ADNP: variants seen among roughly 807,000 people sequenced by gnomAD.
The protein encoded by ADNP is activity-dependent neuroprotector homeobox protein.
A neutral mutation model predicts 84.9 loss-of-function variants in ADNP; 4 were observed. That is an observed-to-expected ratio of 0.05 (90% confidence interval 0.02 to 0.11). The LOEUF is 0.11. ADNP is among the 10% of genes least tolerant of loss of function. The probability of loss-of-function intolerance (pLI) is 1.00; values close to 1 mark genes in which losing one functional copy is unlikely to be tolerated. For synonymous variants in ADNP, 554 were observed against 468.1 expected (o/e 1.18, Z -2.37); for missense variants, 1,132 against 1,326.0 (o/e 0.85, Z 2.27).
chr20:50,925,975 C>T (rs1291554474), intron 2 of ADNP, among the ~76,000 whole-genome samples: 2 of 152,200 alleles, frequency 1.3e-5, no homozygotes, highest in Non-Finnish European at 2.9e-5. Context: ...GTGGCAGGCA[C>T]CTGTAATCCC....
rs773036586 is a variant in ADNP, at chr20:50,893,896, G to A, written c.818C>T (p.Pro273Leu). 1.9e-6 allele frequency: 3 copies of A among 1,614,160 alleles called. No homozygotes were observed. The highest frequency in any genetic ancestry group is 2.5e-6 in the Non-Finnish European group (3 of 1,180,008). Residue 273 changes from proline to leucine, a missense_variant, in exon 6 of 6, where the codon CCC (proline) becomes CTC (leucine). Physicochemically the swap from Pro to Leu is moderately conservative, Grantham distance 98. Coordinates refer to ENST00000621696, the MANE Select transcript of ADNP (RefSeq NM_001282531.3). This position sits in a 1 kb window ranked among gnomAD's most constrained non-coding sequence, Gnocchi z 4.4. ...CATGCTCTTCTTGTCTTGAGGTTTG[G>A]GAGCAATTAGCATCAAGGGTTTGGA... The part of the protein sequence containing the change: ...PRSKPLMLIA[P>L]KPQDKKSMGL...
intron 2 of ADNP, among the ~76,000 whole-genome samples, chr20:50,912,442 G>A (rs1180770070): frequency 6.6e-6 from 1 of 152,118 alleles, no homozygotes; most frequent in African/African-American, 2.4e-5. Context: ...GAGCCACTGC[G>A]CCTAGCTTCA....
At position 50,891,611 on chromosome 20, in the gene ADNP, T is replaced by C. The variant is rs1042876474; in HGVS notation, c.3103A>G (p.Lys1035Glu). ...TCCTTAGACCAAAACCCTTCAACTT[T>C]TCCATAGGAACTATTCTTCCATTTC... ...QLKWKNSSYG[K>E]VEGFWSKDQS... is the part of the protein sequence containing the mutation. Residue 1035 changes from lysine (K) to glutamate (E), a missense_variant, in exon 6 of 6, where the codon AAA becomes GAA. Coordinates refer to ENST00000621696, the MANE Select transcript of ADNP (RefSeq NM_001282531.3). 3 of 1,614,006 alleles carry C rather than the reference T, an allele frequency of 1.9e-6. No homozygotes were observed. Among genetic ancestry groups the C allele is most frequent in the Non-Finnish European group, 2.5e-6 (3 of 1,180,026 alleles).
At chr20:50,897,192 C>G (rs573405111) in intron 5 of ADNP, among the ~76,000 whole-genome samples, 4 of 152,120 alleles carry the variant, frequency 2.6e-5, no homozygotes, top group Non-Finnish European at 5.9e-5. Context: ...CCACCAGCCT[C>G]GGCCTCCCAA....
intron 3 of ADNP, 110 bp from the exon 4 acceptor site, chr20:50,904,111 CATAG>C: frequency 4.0e-6 from 3 of 755,160 alleles, no homozygotes; most frequent in Non-Finnish European, 6.6e-6. Context: ...AAAAAAGGTG[CATAG>C]ATATCCTCAT....
chr20:50,915,264 G>A (rs1983422318), intron 2 of ADNP, among the ~76,000 whole-genome samples: 1 of 151,984 alleles, frequency 6.6e-6, no homozygotes, highest in African/African-American at 2.4e-5. Context: ...TGTGGTCACG[G>A]TAAAACCCTA....
chr20:50,898,596 T>A (rs1436554073), intron 5 of ADNP, among the ~76,000 whole-genome samples: 2 of 152,242 alleles, frequency 1.3e-5, no homozygotes, highest in African/African-American at 4.8e-5. Flanking sequence ...TGGCAAGAAA[T>A]AACCATCACT....
chr20:50,912,641 C>T (rs1487694362), intron 2 of ADNP, among the ~76,000 whole-genome samples: 2 of 152,130 alleles, frequency 1.3e-5, no homozygotes, highest in Non-Finnish European at 2.9e-5. Context: ...TGGCAGGTTA[C>T]TGAAATGTAG....
chr20:50,892,179 T>C lies in ADNP; in HGVS notation c.2535A>G (p.Leu845=), dbSNP rs144756647. The C allele has an allele frequency of 1.3e-5, 21 of 1,614,192 alleles. No homozygotes were observed. Among genetic ancestry groups the C allele is most frequent in the South Asian group, 2.2e-5 (2 of 91,082 alleles). The change falls in exon 6 of 6, where the codon CTA becomes CTG. Residue 845 remains leucine (L), a synonymous_variant. Transcript: ENST00000621696. ...KHEMDFDAEW[L]FENHDEKDSR... is the part of the protein sequence containing the mutation. ...AATCCTTCTCATCATGATTTTCAAA[T>C]AGCCACTCAGCATCAAAATCCATCT...
At chr20:50,914,755 T>C (rs1983376202) in intron 2 of ADNP, among the ~76,000 whole-genome samples, 1 of 152,230 alleles carries the variant, frequency 6.6e-6, no homozygotes, top group African/African-American at 2.4e-5. Context: ...GTCGTTCTGC[T>C]AGATGGTTCT....
chr20:50,901,592 C>T (rs1339532957), intron 5 of ADNP, among the ~76,000 whole-genome samples: 1 of 152,106 alleles, frequency 6.6e-6, no homozygotes, highest in Non-Finnish European at 1.5e-5. Context: ...CACTGACATC[C>T]TACAGAGTCA....
chr20:50,898,213 C>T (rs577294338), intron 5 of ADNP, among the ~76,000 whole-genome samples: 1 of 152,304 alleles, frequency 6.6e-6, no homozygotes, highest in Admixed American at 6.5e-5. Context: ...CAAAATTCTT[C>T]CGCTGCCTTT....
At chr20:50,924,169 T>C (rs1984140753) in intron 2 of ADNP, among the ~76,000 whole-genome samples, 1 of 152,140 alleles carries the variant, frequency 6.6e-6, no homozygotes, top group Non-Finnish European at 1.5e-5. Flanking sequence ...AAGTAACTGC[T>C]CAGGACAGAC....
chr20:50,924,180 T>A (rs574521391), intron 2 of ADNP, among the ~76,000 whole-genome samples: 32 of 152,304 alleles, frequency 2.1e-4, no homozygotes, highest in South Asian at 2.1e-4. Context: ...CAGGACAGAC[T>A]GACTGTCTTA....
Position 50,889,829 on chromosome 20 carries a change from C to T in ADNP, c.*1576G>A, listed in dbSNP as rs565387781. 309 of 398,516 alleles carry T rather than the reference C, an allele frequency of 7.8e-4. No individual in the cohort carries two copies. The highest frequency in any genetic ancestry group is 1.2e-3 in the Non-Finnish European group (268 of 226,024). The allele number at this position is 398,516 out of a possible 1,614,324, so 24.7% of individuals were successfully genotyped here. ...ATACCAGCTCCTTCCATCTTTACAG[C>T]CCTGTCAGTGCTGTGCTCTTCAAAG... On this transcript the variant is annotated 3_prime_UTR_variant, in exon 6 of 6. Transcript: ENST00000621696.
At chr20:50,917,075 G>A (rs1983564614) in intron 2 of ADNP, among the ~76,000 whole-genome samples, 1 of 152,188 alleles carries the variant, frequency 6.6e-6, no homozygotes, top group Admixed American at 6.5e-5. Flanking sequence ...GCTTGCCCAT[G>A]AGCGAGCTGG....
At chr20:50,926,571 T>A (rs1039548340) in intron 2 of ADNP, among the ~76,000 whole-genome samples, 1 of 152,226 alleles carries the variant, frequency 6.6e-6, no homozygotes. Flanking sequence ...GTCCCCAAAC[T>A]ACATCTCAAA....
At chr20:50,903,436 G>A (rs553529437) in intron 4 of ADNP, among the ~76,000 whole-genome samples, 4 of 152,284 alleles carry the variant, frequency 2.6e-5, no homozygotes, top group East Asian at 3.9e-4. Flanking sequence ...ACACAAGCAC[G>A]CCTCAACAAT....
intron 2 of ADNP, among the ~76,000 whole-genome samples, chr20:50,919,291 G>GTATATATATATATATATATA (rs199569280): frequency 5.2e-5 from 4 of 77,198 alleles, no homozygotes; most frequent in Admixed American, 2.6e-4. Context: ...ATATTTAAGT[G>GTATATATATATATATATATA]TATATATATA....
Sources: allele counts gnomAD v4.1 joint callset (sites outside exome capture counted in the v4.1 genomes callset), GRCh38; gene constraint gnomAD v4.1.1; non-coding constraint Gnocchi (gnomAD v3.1); transcripts MANE v1.5; gene names NCBI Gene and HGNC (gene_info 2026-07-23, HGNC 2026-07-21).